PTPRT: variants seen among roughly 807,000 people sequenced by gnomAD.
PTPRT encodes protein tyrosine phosphatase receptor type T, also known as receptor-type tyrosine-protein phosphatase T.
Under a neutral mutation model 176.8 loss-of-function variants are expected in PTPRT, and 56 were observed. The ratio of observed to expected loss-of-function variants is 0.32; its 90% CI spans 0.26 to 0.40. PTPRT has a LOEUF of 0.40. Among genes scored for constraint, PTPRT ranks in the 10% least tolerant of loss-of-function variants. The pLI is 1.00. For synonymous variants in PTPRT, 783 were observed against 739.0 expected, an observed-to-expected ratio of 1.06 and a Z score of -0.96; for missense variants, 1,540 against 1,908.2, an observed-to-expected ratio of 0.81 and a Z score of 3.60.
At chr20:42,640,342 T>G (rs2074713315) in intron 7 of PTPRT, among the ~76,000 whole-genome samples, 1 of 152,132 alleles carries the variant, frequency 6.6e-6, no homozygotes, top group African/African-American at 2.4e-5. Flanking sequence ...TAGTTACCAT[T>G]CACTGGGAAC....
In PTPRT at chr20:42,074,311, T is replaced by A. The variant is rs1487205822; in HGVS notation, c.*6568A>T. On this transcript the variant is annotated 3_prime_UTR_variant, in exon 31 of 31. Coordinates refer to ENST00000373187, the MANE Select transcript of PTPRT (RefSeq NM_007050.6). ...ATAAGCCCAAAGGCACTGAAGTAATTGTACAGAGACTCAATTTTGTAATTT... is the reference window on the plus strand; with the variant it reads ...ATAAGCCCAAAGGCACTGAAGTAATAGTACAGAGACTCAATTTTGTAATTT... 8.6e-6 allele frequency: 2 copies of A among 231,552 alleles called. No individual in the cohort carries two copies. Among genetic ancestry groups the A allele is most frequent in the African/African-American group, 4.4e-5 (2 of 45,244 alleles). The allele number at this position is 231,552 out of a possible 1,614,324, so 14.3% of individuals were successfully genotyped here. A position where few individuals can be genotyped will look rare whatever the true frequency, so the allele number is the denominator to read the frequency against.
the PTPRT span, among the ~76,000 whole-genome samples, chr20:42,043,261 C>T: frequency 6.6e-6 from 1 of 152,178 alleles, no homozygotes; most frequent in South Asian, 2.1e-4. Flanking sequence ...CTAGTTCTTC[C>T]ACATCCTAAA....
At chr20:43,093,900 G>A (rs1392834916) in intron 1 of PTPRT, among the ~76,000 whole-genome samples, 1 of 151,884 alleles carries the variant, frequency 6.6e-6, no homozygotes, top group African/African-American at 2.4e-5. Context: ...GTTCTCTGGG[G>A]TTCCCACAAG....
At chr20:42,606,219 A>G (rs1196981348) in intron 7 of PTPRT, among the ~76,000 whole-genome samples, 4 of 150,282 alleles carry the variant, frequency 2.7e-5, no homozygotes, top group Admixed American at 1.3e-4. Flanking sequence ...ACCCCAAGAT[A>G]AATAGAACTG....
At chr20:42,624,167 G>A (rs985149209) in intron 7 of PTPRT, among the ~76,000 whole-genome samples, 1 of 152,122 alleles carries the variant, frequency 6.6e-6, no homozygotes, top group Non-Finnish European at 1.5e-5. Flanking sequence ...CCTGCTCTGT[G>A]AAATTTGCAC....
At chr20:42,618,535 G>C (rs376138571) in intron 7 of PTPRT, among the ~76,000 whole-genome samples, 1 of 129,136 alleles carries the variant, frequency 7.7e-6, no homozygotes, top group Non-Finnish European at 1.6e-5. Flanking sequence ...ATGTTGACAG[G>C]GGGGTGTTAA....
chr20:42,452,923 A>G (rs1393861941), intron 8 of PTPRT, among the ~76,000 whole-genome samples: 3 of 152,214 alleles, frequency 2.0e-5, no homozygotes, highest in African/African-American at 4.8e-5. Context: ...GTAAAGGACA[A>G]TTAATTGACC....
At chr20:42,887,106 AG>A (rs1191746999) in intron 1 of PTPRT, among the ~76,000 whole-genome samples, 1 of 152,216 alleles carries the variant, frequency 6.6e-6, no homozygotes, top group Non-Finnish European at 1.5e-5. Flanking sequence ...AAACGCTCAC[AG>A]GTTTCCCACC....
chr20:42,820,778 A>G (rs2077878835), intron 2 of PTPRT, among the ~76,000 whole-genome samples: 1 of 152,228 alleles, frequency 6.6e-6, no homozygotes, highest in Non-Finnish European at 1.5e-5. Flanking sequence ...AGAGAATACT[A>G]TAAAAACCTC....
chr20:42,850,187 G>A (rs769336464), intron 2 of PTPRT, among the ~76,000 whole-genome samples: 5 of 152,088 alleles, frequency 3.3e-5, no homozygotes, highest in Non-Finnish European at 5.9e-5. Context: ...TTTGTTCACC[G>A]GGTTGAATTT....
intron 15 of PTPRT, among the ~76,000 whole-genome samples, chr20:42,202,016 C>G (rs960737428): frequency 4.7e-5 from 7 of 148,510 alleles, no homozygotes; most frequent in Non-Finnish European, 9.0e-5. Context: ...GTTGCCTACA[C>G]TGGAGTGCAG....
chr20:42,676,538 GCTCTCTCTCT>G (rs55873681), intron 7 of PTPRT, among the ~76,000 whole-genome samples: 4 of 148,598 alleles, frequency 2.7e-5, no homozygotes, highest in Admixed American at 6.7e-5. Flanking sequence ...TATATACAAT[GCTCTCTCTCT>G]CTCTCTCTCT....
At chr20:42,593,485 T>C (rs2073615666) in intron 7 of PTPRT, among the ~76,000 whole-genome samples, 1 of 152,206 alleles carries the variant, frequency 6.6e-6, no homozygotes, top group South Asian at 2.1e-4. Context: ...TGTGATGTCA[T>C]GTAGCTTACT....
chr20:42,990,052 G>A (rs1983810616), intron 1 of PTPRT, among the ~76,000 whole-genome samples: 1 of 152,182 alleles, frequency 6.6e-6, no homozygotes, highest in Non-Finnish European at 1.5e-5. Context: ...ACAAAAAAAT[G>A]TGCCTAAGTA....
intron 13 of PTPRT, among the ~76,000 whole-genome samples, chr20:42,280,486 T>C (rs938815816): frequency 3.3e-5 from 5 of 152,156 alleles, no homozygotes; most frequent in Non-Finnish European, 7.4e-5. Flanking sequence ...ATGCTCTGAT[T>C]TCCCAATACC....
rs1000594519 is a variant in PTPRT at position 42,914,326 on chromosome 20, G to A, written c.89-28394C>T. On this transcript the variant is annotated intron_variant, in intron 1 of 30. Coordinates refer to ENST00000373187, the MANE Select transcript of PTPRT (RefSeq NM_007050.6). ...GTTGGTTCATGTCAAGGAAGGTGGG[G>A]TGATTAGTTGCCTGTGCTCAAATCC... 1.8e-4 allele frequency among the ~76,000 whole-genome samples: 27 copies of A among 152,134 alleles called. 1 individual carries two copies. Among genetic ancestry groups the A allele is most frequent in the African/African-American group, 6.3e-4 (26 of 41,428 alleles).
intron 1 of PTPRT, among the ~76,000 whole-genome samples, chr20:42,991,868 T>C (rs1983931267): frequency 6.6e-6 from 1 of 152,192 alleles, no homozygotes. Flanking sequence ...GGGATAAATT[T>C]AAAACCAGGT....
At chr20:42,959,786 AGCTGACACTG>A (rs1981883639) in intron 1 of PTPRT, among the ~76,000 whole-genome samples, 1 of 152,200 alleles carries the variant, frequency 6.6e-6, no homozygotes, top group East Asian at 1.9e-4. Context: ...TTCTGTGAAC[AGCTGACACTG>A]GCTGCAACTT....
intron 6 of PTPRT, among the ~76,000 whole-genome samples, chr20:42,689,457 C>T (rs1053539016): frequency 6.6e-6 from 1 of 152,160 alleles, no homozygotes; most frequent in African/African-American, 2.4e-5. Flanking sequence ...CGCACTCATC[C>T]TTTGAGCCCA....
Sources: allele counts gnomAD v4.1 joint callset (sites outside exome capture counted in the v4.1 genomes callset), GRCh38; gene constraint gnomAD v4.1.1; transcripts MANE v1.5; gene names NCBI Gene and HGNC (gene_info 2026-07-23, HGNC 2026-07-21).